CKAP5: variants seen among roughly 807,000 people sequenced by gnomAD.
CKAP5 encodes the protein cytoskeleton associated protein 5, also known as cytoskeleton-associated protein 5.
In CKAP5, 27 loss-of-function variants were observed where a neutral mutation model predicts 232.8. The observed-to-expected ratio is 0.12, with a 90% CI of 0.09 to 0.16. The LOEUF (loss-of-function observed/expected upper bound fraction) is 0.16, where lower values mean the gene tolerates loss of function less well. CKAP5 is among the 10% of genes least tolerant of loss of function. CKAP5 has a pLI of 1.00. For synonymous variants in CKAP5, 785 were observed against 841.1 expected, an observed-to-expected ratio of 0.93 and a Z score of 1.16; for missense variants, 1,838 against 2,424.7, an observed-to-expected ratio of 0.76 and a Z score of 5.08.
Position 46,783,267 on chromosome 11 carries a change from G to C in CKAP5, c.2249+7C>G. The C allele has an allele frequency of 6.5e-7, 1 of 1,534,846 alleles. No homozygotes were observed. The highest frequency in any genetic ancestry group is 9.0e-7 in the Non-Finnish European group (1 of 1,110,088). ...ACTATTTTCCACTTGATTTCGTTCT[G>C]ACTTACCCAGAAAAACCAAATTCTT... On this transcript the variant is annotated splice_region_variant and intron_variant, in intron 18 of 43. Transcript: ENST00000529230.
chr11:46,790,567 T>A lies in CKAP5; in HGVS notation c.1667A>T (p.Lys556Ile), dbSNP rs1196418788. 3.7e-6 allele frequency: 6 copies of A among 1,613,646 alleles called. No individual in the cohort carries two copies. The highest frequency in any genetic ancestry group is 5.1e-6 in the Non-Finnish European group (6 of 1,179,574). The change falls in exon 14 of 44, where the codon AAA (lysine) becomes ATA (isoleucine). Residue 556 changes from lysine to isoleucine, a missense_variant. Physicochemically the swap from Lys to Ile is moderately radical, Grantham distance 102 (BLOSUM62 -3). Coordinates refer to ENST00000529230, the MANE Select transcript of CKAP5 (RefSeq NM_001008938.4). ...APAAKAGGPP[K>I]KGKPAAPGGA... Reference sequence around the variant, plus strand: ...TCCTGGTGCAGCTGGTTTCCCCTTTTTTGGTGGCCCACCAGCCTAAAAACA... The same window carrying A: ...TCCTGGTGCAGCTGGTTTCCCCTTTATTGGTGGCCCACCAGCCTAAAAACA...
At position 46,752,580 on chromosome 11, in the gene CKAP5, T is replaced by C. The variant is rs2065077833; in HGVS notation, c.5133+55A>G. 7.8e-6 allele frequency: 11 copies of C among 1,405,080 alleles called. No individual in the cohort carries two copies. The South Asian group carries it at 1.3e-4, about 17-fold the overall frequency. 87.0% of individuals were successfully genotyped at this position (1,405,080 alleles called of 1,614,324 possible). On this transcript the variant is annotated intron_variant, in intron 38 of 43. Transcript: ENST00000529230. Reference sequence around the variant, plus strand: ...CTCCAATTCCTCTTTCCCCATACTTTTAACAAAGTGATTGCATCTTTGAAA... The same window carrying C: ...CTCCAATTCCTCTTTCCCCATACTTCTAACAAAGTGATTGCATCTTTGAAA...
rs1444690644 is a variant in CKAP5 at position 46,760,669 on chromosome 11, C to T, written c.4337G>A (p.Ser1446Asn). The T allele has an allele frequency of 1.3e-5, 21 of 1,614,168 alleles. No individual in the cohort carries two copies. In the South Asian group the frequency reaches 2.3e-4, roughly 18 times the overall value. ...CTTGCGTAACATGTTGGCATTGGAG[C>T]TTATGTTCTGTGCACGCTGAGGTTT... ...EEKPQRAQNI[S>N]SNANMLRKGP... The change falls in exon 33 of 44, where the codon AGC becomes AAC. Residue 1446 changes from serine (S) to asparagine (N), a missense_variant. This residue lies in a region of CKAP5 where 579 missense variants were observed against 843.2 expected (regional missense o/e 0.69). Transcript: ENST00000529230.
At chr11:46,763,654 G>A in intron 28 of CKAP5, 24 bp from the exon 29 acceptor site, 11 of 1,483,216 alleles carry the variant, frequency 7.4e-6, no homozygotes, top group Non-Finnish European at 9.9e-6. Context: ...ACGGTGAAAA[G>A]GGGCTACAGG....
At chr11:46,752,611 G>C (rs199949910) in intron 38 of CKAP5, 24 bp downstream of exon 38, 19 of 1,575,076 alleles carry the variant, frequency 1.2e-5, no homozygotes, top group Admixed American at 8.4e-5. Flanking sequence ...TGAAAGAAAA[G>C]AGATCAAATC....
chr11:46,838,989 C>T (rs1939984648), intron 1 of CKAP5, among the ~76,000 whole-genome samples: 1 of 151,692 alleles, frequency 6.6e-6, no homozygotes, highest in Non-Finnish European at 1.5e-5. Flanking sequence ...TATTTTTGAC[C>T]ACCTAGTTTG....
intron 35 of CKAP5, 83 bp from the exon 36 acceptor site, chr11:46,755,150 A>C: frequency 1.1e-6 from 1 of 911,094 alleles, no homozygotes; most frequent in Non-Finnish European, 1.6e-6. Context: ...CTTCTCCATA[A>C]GAATATTTAT....
intron 8 of CKAP5, among the ~76,000 whole-genome samples, chr11:46,801,677 A>C (rs946286172): frequency 6.6e-6 from 1 of 152,190 alleles, no homozygotes; most frequent in Non-Finnish European, 1.5e-5. Flanking sequence ...CTCAAAAAAA[A>C]AAAAGAACTC....
intron 12 of CKAP5, 39 bp from the exon 13 acceptor site, chr11:46,795,815 CT>C: frequency 6.6e-7 from 1 of 1,519,264 alleles, no homozygotes; most frequent in Non-Finnish European, 9.1e-7. Context: ...TTAAGCCCAA[CT>C]TTGAAACACA....
chr11:46,764,010 A>AT (rs1592441260), intron 28 of CKAP5, among the ~76,000 whole-genome samples: 1 of 151,922 alleles, frequency 6.6e-6, no homozygotes, highest in South Asian at 2.1e-4. Flanking sequence ...TAATTAAAAA[A>AT]TTTTTTTCGT....
intron 12 of CKAP5, 66 bp downstream of exon 12, chr11:46,796,746 G>C (rs1938886421): frequency 6.3e-7 from 1 of 1,581,408 alleles, no homozygotes; most frequent in Non-Finnish European, 8.6e-7. Flanking sequence ...ACTGTCAAGA[G>C]ACAAAGCCAT....
At chr11:46,758,278 T>G (rs1321216759) in intron 35 of CKAP5, among the ~76,000 whole-genome samples, 2 of 152,150 alleles carry the variant, frequency 1.3e-5, no homozygotes, top group Non-Finnish European at 2.9e-5. Context: ...CTTTGACCAC[T>G]AGCTCTTTCC....
intron 8 of CKAP5, 30 bp from the exon 9 acceptor site, chr11:46,801,334 A>G: frequency 6.0e-6 from 9 of 1,509,010 alleles, no homozygotes; most frequent in Non-Finnish European, 8.3e-6. Context: ...GGAAAACAAA[A>G]TAGTCACAGC....
At position 46,762,805 on chromosome 11, in the gene CKAP5, A is replaced by G. The variant is rs1290073700; in HGVS notation, c.3892-43T>C. On this transcript the variant is annotated intron_variant, in intron 30 of 43. Transcript: ENST00000529230. ...TAATGATTAAGTGAGGCATTTCCTAAGTAGCAATGATTCTCCCATGCATTA... is the reference window on the plus strand; with the variant it reads ...TAATGATTAAGTGAGGCATTTCCTAGGTAGCAATGATTCTCCCATGCATTA... 4 of 1,594,766 alleles carry G rather than the reference A, an allele frequency of 2.5e-6. No individual in the cohort carries two copies. In the African/African-American group the frequency reaches 5.4e-5, roughly 21 times the overall value.
chr11:46,798,301 A>G (rs997554359), intron 9 of CKAP5, 129 bp from the exon 10 acceptor site: 17 of 693,244 alleles, frequency 2.5e-5, no homozygotes, highest in Non-Finnish European at 4.1e-5. Flanking sequence ...CAGGCTGGGC[A>G]CAGTGACTCA....
At chr11:46,824,141 T>A (rs942540953) in intron 1 of CKAP5, among the ~76,000 whole-genome samples, 1 of 152,214 alleles carries the variant, frequency 6.6e-6, no homozygotes, top group Non-Finnish European at 1.5e-5. Flanking sequence ...TCATAGTCTA[T>A]GCTTCTTCCT....
intron 1 of CKAP5, among the ~76,000 whole-genome samples, chr11:46,838,961 C>T (rs942779295): frequency 3.3e-5 from 5 of 151,918 alleles, no homozygotes; most frequent in African/African-American, 7.3e-5. Flanking sequence ...CCAGTTTTGG[C>T]CAATTTTGTT....
intron 2 of CKAP5, chr11:46,820,821 G>C (rs1379693506): frequency 1.2e-5 from 2 of 160,440 alleles, no homozygotes; most frequent in African/African-American, 4.8e-5. Flanking sequence ...GCCAAATTCA[G>C]AACACATCTC....
At chr11:46,807,370 T>A (rs79687613) in intron 8 of CKAP5, among the ~76,000 whole-genome samples, 2,553 of 152,330 alleles carry the variant, frequency 0.017, 69 homozygotes, top group African/African-American at 0.058. Context: ...CTCACCATTG[T>A]AATCCTCTGT....
Sources: gnomAD v4.1 joint callset for allele counts (sites outside exome capture counted in the v4.1 genomes callset) on GRCh38, gnomAD v4.1.1 for gene constraint, gnomAD v4.1.1 regional missense constraint, MANE v1.5 for transcripts, NCBI Gene and HGNC (gene_info 2026-07-23, HGNC 2026-07-21) for gene names.